The following DOCK2 variants were observed in gnomAD, a reference collection of about 807,000 sequenced individuals.
DOCK2 encodes the protein dedicator of cytokinesis protein 2.
DOCK2 carries 87 observed loss-of-function variants against 248.9 expected under a neutral mutation model. The ratio of observed to expected loss-of-function variants is 0.35; its 90% CI spans 0.29 to 0.42. The LOEUF is 0.42. Among genes scored for constraint, DOCK2 ranks in the 10% least tolerant of loss-of-function variants. DOCK2 has a pLI of 1.00. For synonymous variants in DOCK2, 805 were observed against 821.6 expected, an observed-to-expected ratio of 0.98 and a Z score of 0.35; for missense variants, 1,747 against 2,300.2, an observed-to-expected ratio of 0.76 and a Z score of 4.92.
At chr5:170,049,064 G>A (rs1188938497) in intron 40 of DOCK2, among the ~76,000 whole-genome samples, 2 of 152,184 alleles carry the variant, frequency 1.3e-5, no homozygotes, top group South Asian at 2.1e-4. Context: ...AAACCTGGCT[G>A]TACGTCAGAA....
intron 26 of DOCK2, among the ~76,000 whole-genome samples, chr5:169,823,625 A>C (rs1430840870): frequency 6.6e-6 from 1 of 152,222 alleles, no homozygotes; most frequent in Non-Finnish European, 1.5e-5. Context: ...GTACCTCAAA[A>C]TAATGAGAGC....
rs201909193 is a variant in DOCK2, at chr5:170,018,916, G to A, written c.3233-44G>A. 151 of 1,598,172 alleles carry A rather than the reference G, an allele frequency of 9.4e-5. 1 individual carries two copies. Among genetic ancestry groups the A allele is most frequent in the Middle Eastern group, 5.0e-4 (3 of 5,962 alleles). ...GGCTTGGTCGGAGGAGGACCTGTGC[G>A]TCGCCGAACTGTTTTATGTGTTCAT... On this transcript the variant is annotated intron_variant, in intron 32 of 51. Coordinates refer to ENST00000520908, the MANE Select transcript of DOCK2 (RefSeq NM_004946.3).
chr5:170,044,891 C>T (rs1217016531), intron 38 of DOCK2, among the ~76,000 whole-genome samples: 2 of 152,086 alleles, frequency 1.3e-5, no homozygotes, highest in Non-Finnish European at 2.9e-5. Flanking sequence ...TAATGGCTAT[C>T]CCTAGAGATT....
intron 27 of DOCK2, among the ~76,000 whole-genome samples, chr5:169,963,071 A>G (rs1029987897): frequency 2.0e-5 from 3 of 152,118 alleles, no homozygotes; most frequent in African/African-American, 7.2e-5. Context: ...CATCCCTGAA[A>G]TATCTACTGG....
chr5:169,780,225 C>G (rs1324281826), intron 25 of DOCK2, among the ~76,000 whole-genome samples: 4 of 151,988 alleles, frequency 2.6e-5, no homozygotes, highest in Non-Finnish European at 4.4e-5. Flanking sequence ...AAACTCTGCT[C>G]TATGACTGAG....
intron 27 of DOCK2, among the ~76,000 whole-genome samples, chr5:169,950,229 G>A (rs149331288): frequency 6.6e-6 from 1 of 152,272 alleles, no homozygotes; most frequent in African/African-American, 2.4e-5. Context: ...CCCAGCTCTA[G>A]CTCCATGCCC....
intron 39 of DOCK2, among the ~76,000 whole-genome samples, chr5:170,047,086 A>C (rs181681811): frequency 1.3e-5 from 2 of 152,216 alleles, no homozygotes; most frequent in African/African-American, 4.8e-5. Flanking sequence ...ACAGGAAAAC[A>C]TCTGTATCAG....
chr5:169,958,568 T>C (rs113017137), intron 27 of DOCK2, among the ~76,000 whole-genome samples: 1,704 of 128,372 alleles, frequency 0.013, 39 homozygotes, highest in Non-Finnish European at 0.012. Context: ...AAAGGGGTGC[T>C]TTCTTTTCCT....
chr5:169,762,625 A>G (rs1027788246), intron 25 of DOCK2, among the ~76,000 whole-genome samples: 1 of 152,202 alleles, frequency 6.6e-6, no homozygotes, highest in African/African-American at 2.4e-5. Flanking sequence ...CTTTTGCTCC[A>G]TGTAAAAGAA....
chr5:170,068,220 G>A (rs565411421), intron 45 of DOCK2, among the ~76,000 whole-genome samples: 1 of 152,290 alleles, frequency 6.6e-6, no homozygotes, highest in African/African-American at 2.4e-5. Context: ...TTATTTTTGA[G>A]CTTCCTGGTG....
chr5:169,792,373 T>C lies in DOCK2; in HGVS notation c.2555-10685T>C, dbSNP rs1018284431. Among the ~76,000 whole-genome samples, 6 of 151,702 alleles carry C rather than the reference T, an allele frequency of 4.0e-5. No homozygotes were observed. The East Asian group carries it at 1.2e-3, about 29-fold the overall frequency. On this transcript the variant is annotated intron_variant, in intron 25 of 51. Coordinates refer to ENST00000520908, the MANE Select transcript of DOCK2 (RefSeq NM_004946.3). ...TAATGTGTGTGTGTGTATATATATA[T>C]TTTATATATGTATACATGTATATGT...
intron 26 of DOCK2, among the ~76,000 whole-genome samples, chr5:169,823,081 A>T (rs1768578084): frequency 6.6e-6 from 1 of 152,222 alleles, no homozygotes; most frequent in Admixed American, 6.5e-5. Flanking sequence ...AAGAAGTTGA[A>T]TGTCTGAATA....
intron 27 of DOCK2, among the ~76,000 whole-genome samples, chr5:169,922,840 A>C (rs1228264560): frequency 6.6e-6 from 1 of 152,188 alleles, no homozygotes; most frequent in Non-Finnish European, 1.5e-5. Flanking sequence ...TGGTTTTCCA[A>C]GGGGAATTCT....
intron 12 of DOCK2, 110 bp downstream of exon 12, chr5:169,699,568 G>A (rs1404389371): frequency 1.9e-6 from 2 of 1,053,110 alleles, no homozygotes; most frequent in African/African-American, 3.2e-5. Flanking sequence ...TTTCCTTCCA[G>A]ACAGACCACT....
At chr5:169,646,233 C>T (rs145103928) in intron 1 of DOCK2, among the ~76,000 whole-genome samples, 407 of 152,206 alleles carry the variant, frequency 2.7e-3, no homozygotes, top group Middle Eastern at 0.02. Context: ...TCAGGTTTGT[C>T]GAAGATCAGG....
intron 27 of DOCK2, among the ~76,000 whole-genome samples, chr5:169,913,093 C>T (rs1004579904): frequency 4.6e-5 from 7 of 152,164 alleles, no homozygotes; most frequent in Non-Finnish European, 1.0e-4. Flanking sequence ...AAAGTGTTGT[C>T]TCTAGTTTCC....
At chr5:169,981,767 T>G (rs977453288) in intron 27 of DOCK2, among the ~76,000 whole-genome samples, 1 of 152,012 alleles carries the variant, frequency 6.6e-6, no homozygotes, top group African/African-American at 2.4e-5. Context: ...ATCATTAGAG[T>G]TTTTTAGCAA....
intron 26 of DOCK2, among the ~76,000 whole-genome samples, chr5:169,816,192 G>A (rs995266424): frequency 2.6e-5 from 4 of 152,150 alleles, no homozygotes; most frequent in Admixed American, 6.5e-5. Context: ...TGAGTTAAGT[G>A]AGGGAGGAGG....
At chr5:169,674,490 T>A in intron 6 of DOCK2, 45 bp downstream of exon 6, 2 of 1,605,066 alleles carry the variant, frequency 1.2e-6, no homozygotes, top group Non-Finnish European at 1.7e-6. Flanking sequence ...CCCCCAGCCA[T>A]CCTCTTTCTT....
Sources: gnomAD v4.1 joint callset for allele counts (sites outside exome capture counted in the v4.1 genomes callset) on GRCh38, gnomAD v4.1.1 for gene constraint, MANE v1.5 for transcripts, NCBI Gene and HGNC (gene_info 2026-07-23, HGNC 2026-07-21) for gene names.